Variants in PTPN21 observed in about 807,000 individuals in gnomAD.
PTPN21 encodes the protein tyrosine-protein phosphatase non-receptor type 21.
Under a neutral mutation model 131.8 loss-of-function variants are expected in PTPN21, and 77 were observed. The observed-to-expected ratio is 0.58, with a 90% confidence interval of 0.49 to 0.71. The LOEUF (loss-of-function observed/expected upper bound fraction) is 0.71. PTPN21 is among the 30% of genes least tolerant of loss of function. The pLI is 0.00. For missense variants in PTPN21, 1,552 were observed against 1,527.1 expected (o/e 1.02, Z -0.27); for synonymous variants, 715 against 621.3 (o/e 1.15, Z -2.24).
intron 2 of PTPN21, among the ~76,000 whole-genome samples, chr14:88,539,917 T>G (rs538315782): frequency 1.1e-4 from 17 of 152,290 alleles, no homozygotes; most frequent in African/African-American, 4.1e-4. Context: ...TCAAAATAGG[T>G]GTCAATCATA....
chr14:88,516,313 GAA>G (rs757131654), intron 3 of PTPN21, among the ~76,000 whole-genome samples: 11 of 151,980 alleles, frequency 7.2e-5, no homozygotes, highest in Admixed American at 3.9e-4. Flanking sequence ...ACATGTGAGA[GAA>G]AGATCTAGGA....
intron 3 of PTPN21, among the ~76,000 whole-genome samples, chr14:88,513,225 C>T (rs1009919256): frequency 3.3e-5 from 5 of 152,148 alleles, no homozygotes; most frequent in South Asian, 2.1e-4. Context: ...AGTGCAGTAG[C>T]GTGACCTCAG....
At position 88,479,431 on chromosome 14, in the gene PTPN21, C is replaced by G. The variant is rs1242311693; in HGVS notation, c.2000G>C (p.Arg667Pro). The G allele has an allele frequency of 6.2e-7, 1 of 1,601,986 alleles. No homozygotes were observed. Among genetic ancestry groups the G allele is most frequent in the African/African-American group, 1.3e-5 (1 of 74,776 alleles). The part of the protein sequence containing the change: ...LSASAAEVAP[R>P]AVSVGSQPSV... ...GGGCTGGGAGCCCACCGAGACGGCT[C>G]GCGGCGCCACCTCTGCCGCCGACGC... Residue 667 changes from arginine (R) to proline (P), a missense_variant, in exon 13 of 19, where the codon CGA (arginine) becomes CCA (proline). Coordinates refer to ENST00000556564, the MANE Select transcript of PTPN21 (RefSeq NM_007039.4).
chr14:88,502,215 C>T (rs2078020214), intron 6 of PTPN21, among the ~76,000 whole-genome samples: 1 of 152,126 alleles, frequency 6.6e-6, no homozygotes, highest in Admixed American at 6.5e-5. Context: ...TCAAGGCACC[C>T]ACACTGCAGC....
chr14:88,469,963 C>G lies in PTPN21; in HGVS notation c.2959G>C (p.Glu987Gln). Residue 987 changes from glutamate to glutamine, a missense_variant, in exon 16 of 19, where the codon GAA becomes CAA. By Grantham distance (29) the Glu-to-Gln change is conservative. Transcript: ENST00000556564. This position sits in a 1 kb window ranked among gnomAD's most constrained non-coding sequence, Gnocchi z 4.3. ...TCQDFWQMVWEQGIAIIAMVT... is the reference protein window; with the variant it reads ...TCQDFWQMVWQQGIAIIAMVT... ...ATTGCTATAATTGCAATTCCCTGTTCCCATACCATCTGCCAAAAATCTTGA... is the reference window on the plus strand; with the variant it reads ...ATTGCTATAATTGCAATTCCCTGTTGCCATACCATCTGCCAAAAATCTTGA... 6.2e-7 allele frequency: 1 copy of G among 1,614,056 alleles called. No homozygotes were observed. Among genetic ancestry groups the G allele is most frequent in the Non-Finnish European group, 8.5e-7 (1 of 1,179,990 alleles).
chr14:88,502,023 T>C (rs763005750), intron 6 of PTPN21, among the ~76,000 whole-genome samples: 3 of 151,798 alleles, frequency 2.0e-5, no homozygotes, highest in South Asian at 4.2e-4. Context: ...TTACTGAGAA[T>C]TATGTGCTAA....
chr14:88,488,363 T>TGGCGAACACTGCCCACTGTAGA (rs2077768062), intron 10 of PTPN21, among the ~76,000 whole-genome samples: 1 of 152,216 alleles, frequency 6.6e-6, no homozygotes, highest in African/African-American at 2.4e-5. Flanking sequence ...CCCACTGTAG[T>TGGCGAACACTGCCCACTGTAGA]AGCCGGCTCT....
At chr14:88,488,719 G>A (rs1182238457) in intron 10 of PTPN21, among the ~76,000 whole-genome samples, 1 of 152,186 alleles carries the variant, frequency 6.6e-6, no homozygotes, top group Non-Finnish European at 1.5e-5. Context: ...TTGGAAGGCT[G>A]AGGCAGGAGG....
At chr14:88,529,019 G>A (rs2139336148) in intron 2 of PTPN21, among the ~76,000 whole-genome samples, 1 of 152,208 alleles carries the variant, frequency 6.6e-6, no homozygotes, top group Admixed American at 6.5e-5. Flanking sequence ...CTACGTTGAA[G>A]AGAAGTGGTG....
At chr14:88,470,670 G>A (rs578176758) in intron 15 of PTPN21, among the ~76,000 whole-genome samples, 30 of 152,334 alleles carry the variant, frequency 2.0e-4, no homozygotes, top group African/African-American at 7.2e-4. Context: ...AAAACCCAGT[G>A]CCAAGCCTTG....
chr14:88,479,708 C>A lies in PTPN21; in HGVS notation c.1723G>T (p.Ala575Ser). The change falls in exon 13 of 19, where the codon GCC becomes TCC. Residue 575 changes from alanine (A) to serine (S), a missense_variant. By Grantham distance (99) the Ala-to-Ser change is moderately conservative. Coordinates refer to ENST00000556564, the MANE Select transcript of PTPN21 (RefSeq NM_007039.4). ...CGGGACAGGTCTGGCGTGCTGTTGG[C>A]GGGCCTGGGGGGCGGGTAGGGTGGG... is the stretch of plus-strand genomic sequence containing the variant. ...PPPPYPPPRP[A>S]NSTPDLSRHL... 2.8e-6 allele frequency: 1 copy of A among 356,008 alleles called. No homozygotes were observed. Among genetic ancestry groups the A allele is most frequent in the Non-Finnish European group, 4.3e-6 (1 of 233,438 alleles). 22.1% of individuals were successfully genotyped at this position (356,008 alleles called of 1,614,324 possible). A position where few individuals can be genotyped will look rare whatever the true frequency, so the allele number is the denominator to read the frequency against.
Position 88,550,476 on chromosome 14 carries a change from G to A in PTPN21, c.-59C>T, listed in dbSNP as rs1269823723. 4 of 1,516,702 alleles carry A rather than the reference G, an allele frequency of 2.6e-6. No individual in the cohort carries two copies. In the African/African-American group the frequency reaches 5.5e-5, roughly 21 times the overall value. The allele number at this position is 1,516,702 out of a possible 1,614,324, so 94.0% of individuals were successfully genotyped here. A position where few individuals can be genotyped will look rare whatever the true frequency, so the allele number is the denominator to read the frequency against. Reference sequence around the variant, plus strand: ...GGGAAAAGCTACCCCCACCAACCCAGCGCTGGTGACGCCAGGAGAAAGCGA... The same window carrying A: ...GGGAAAAGCTACCCCCACCAACCCAACGCTGGTGACGCCAGGAGAAAGCGA... On this transcript the variant is annotated 5_prime_UTR_variant, in exon 2 of 19. Coordinates refer to ENST00000556564, the MANE Select transcript of PTPN21 (RefSeq NM_007039.4).
intron 13 of PTPN21, among the ~76,000 whole-genome samples, chr14:88,474,758 G>A (rs2077525135): frequency 6.6e-6 from 1 of 152,190 alleles, no homozygotes; most frequent in Non-Finnish European, 1.5e-5. Flanking sequence ...CTGAAATCAA[G>A]TGTTTCCTAA....
chr14:88,500,022 T>A (rs1286167763), intron 8 of PTPN21, among the ~76,000 whole-genome samples: 1 of 152,226 alleles, frequency 6.6e-6, no homozygotes, highest in Non-Finnish European at 1.5e-5. Context: ...TAGTATCTTT[T>A]TTTATATCAG....
chr14:88,505,872 A>T (rs1404679076), intron 4 of PTPN21, among the ~76,000 whole-genome samples: 4 of 152,258 alleles, frequency 2.6e-5, no homozygotes. Flanking sequence ...GATACTTAAG[A>T]AAATCTAAAG....
chr14:88,478,609 CTG>C (rs1206395001), intron 13 of PTPN21, among the ~76,000 whole-genome samples: 32 of 152,324 alleles, frequency 2.1e-4, no homozygotes, highest in African/African-American at 7.2e-4. Flanking sequence ...GAAATCTTAA[CTG>C]TCTTTCCCTT....
At chr14:88,493,026 A>G (rs1228615363) in intron 10 of PTPN21, 8 of 453,084 alleles carry the variant, frequency 1.8e-5, no homozygotes, top group Middle Eastern at 3.3e-4. Context: ...AGGCTAGCAC[A>G]GCGGCTAAGA....
At chr14:88,537,535 T>C (rs556601382) in intron 2 of PTPN21, among the ~76,000 whole-genome samples, 19 of 152,182 alleles carry the variant, frequency 1.2e-4, no homozygotes, top group Non-Finnish European at 1.3e-4. Flanking sequence ...AATACAGCAT[T>C]GAACATGAGA....
intron 13 of PTPN21, among the ~76,000 whole-genome samples, chr14:88,477,973 TAC>T (rs1234042192): frequency 6.6e-6 from 1 of 152,268 alleles, no homozygotes; most frequent in East Asian, 1.9e-4. Flanking sequence ...AACATACATC[TAC>T]AGTGTAGATG....
Sources: allele counts gnomAD v4.1 joint callset (sites outside exome capture counted in the v4.1 genomes callset), GRCh38; gene constraint gnomAD v4.1.1; non-coding constraint Gnocchi (gnomAD v3.1); transcripts MANE v1.5; gene names NCBI Gene and HGNC (gene_info 2026-07-23, HGNC 2026-07-21).